ANKRD55: variants seen among roughly 807,000 people sequenced by gnomAD.
ANKRD55 encodes ankyrin repeat domain 55.
A neutral mutation model predicts 60.6 loss-of-function variants in ANKRD55; 41 were observed. The observed-to-expected ratio is 0.68, with a 90% confidence interval of 0.53 to 0.88. The LOEUF is 0.88. ANKRD55 is among the 40% of genes least tolerant of loss of function. The pLI is 0.00. For missense variants in ANKRD55, 732 were observed against 767.6 expected, an observed-to-expected ratio of 0.95 and a Z score of 0.55; for synonymous variants, 264 against 290.3, an observed-to-expected ratio of 0.91 and a Z score of 0.92.
intron 2 of ANKRD55, among the ~76,000 whole-genome samples, chr5:56,205,462 G>C (rs1207342571): frequency 6.6e-6 from 1 of 152,186 alleles, no homozygotes; most frequent in Non-Finnish European, 1.5e-5. Context: ...AGATACAGAG[G>C]CAATTACCTC....
chr5:56,183,501 A>G lies in ANKRD55; in HGVS notation c.181+11T>C. 2.5e-6 allele frequency: 4 copies of G among 1,613,790 alleles called. No homozygotes were observed. Among genetic ancestry groups the G allele is most frequent in the African/African-American group, 1.3e-5 (1 of 75,048 alleles). On this transcript the variant is annotated intron_variant, in intron 3 of 11. Coordinates refer to ENST00000341048, the MANE Select transcript of ANKRD55 (RefSeq NM_024669.3). Reference sequence around the variant, plus strand: ...AGAACATTCTGGATTCAAAATGCATACATATCTCACCTTCACTGTCACAGC... The same window carrying G: ...AGAACATTCTGGATTCAAAATGCATGCATATCTCACCTTCACTGTCACAGC...
intron 6 of ANKRD55, among the ~76,000 whole-genome samples, chr5:56,149,055 T>A (rs1561270406): frequency 6.6e-6 from 1 of 152,218 alleles, no homozygotes; most frequent in African/African-American, 2.4e-5. Flanking sequence ...GGAATTAATA[T>A]GTACTTTAAA....
chr5:56,146,879 T>C (rs1580980450), intron 6 of ANKRD55: 2 of 152,174 alleles, frequency 1.3e-5, no homozygotes, highest in Admixed American at 6.5e-5. Flanking sequence ...TAGATGGCAA[T>C]GAGTATATGC....
intron 8 of ANKRD55, among the ~76,000 whole-genome samples, chr5:56,125,441 T>G (rs1242317023): frequency 2.0e-5 from 3 of 151,966 alleles, no homozygotes; most frequent in Non-Finnish European, 4.4e-5. Context: ...CCACCACACC[T>G]GGCTAATTTT....
At chr5:56,176,880 C>G (rs1274599255) in intron 3 of ANKRD55, among the ~76,000 whole-genome samples, 5 of 152,150 alleles carry the variant, frequency 3.3e-5, no homozygotes, top group African/African-American at 1.2e-4. Flanking sequence ...GCTGTTGGAA[C>G]AAGCCAGCCT....
chr5:56,142,017 T>A (rs1253065686), intron 7 of ANKRD55, among the ~76,000 whole-genome samples: 2 of 152,164 alleles, frequency 1.3e-5, no homozygotes, highest in Admixed American at 1.3e-4. Context: ...TTTGCCAAAG[T>A]GCCTCTTAAA....
At position 56,166,202 on chromosome 5, in the gene ANKRD55, T is replaced by C. The variant is rs148638174; in HGVS notation, c.422+4492A>G. ...CCTTCCTTCCTTCCTTCCTTCCTTC[T>C]CTCTCTCTCTCTCTCTTTCTTTCTT... is the stretch of plus-strand genomic sequence containing the variant. On this transcript the variant is annotated intron_variant, in intron 5 of 11. Coordinates refer to ENST00000341048, the MANE Select transcript of ANKRD55 (RefSeq NM_024669.3). 3.4e-3 allele frequency among the ~76,000 whole-genome samples: 241 copies of C among 69,892 alleles called. 8 individuals carry two copies. The East Asian group carries it at 0.06, about 17-fold the overall frequency. 45.9% of individuals were successfully genotyped at this position (69,892 alleles called of 152,430 possible). A position where few individuals can be genotyped will look rare whatever the true frequency, so the allele number is the denominator to read the frequency against.
intron 2 of ANKRD55, among the ~76,000 whole-genome samples, chr5:56,207,997 T>A (rs931205855): frequency 1.3e-5 from 2 of 152,246 alleles, no homozygotes; most frequent in Admixed American, 1.3e-4. Context: ...TGAACAAAAA[T>A]ATTTTCTTTC....
chr5:56,150,100 A>G (rs1758003566), intron 6 of ANKRD55, among the ~76,000 whole-genome samples: 1 of 152,260 alleles, frequency 6.6e-6, no homozygotes, highest in Non-Finnish European at 1.5e-5. Context: ...TTGGCCTCCC[A>G]AAGTGCTAGG....
intron 7 of ANKRD55, among the ~76,000 whole-genome samples, chr5:56,130,399 A>T (rs1757377581): frequency 6.6e-6 from 1 of 152,194 alleles, no homozygotes; most frequent in Admixed American, 6.5e-5. Context: ...GTCCCACCTA[A>T]GAAGGGGAAA....
At chr5:56,144,198 G>A (rs978873967) in intron 6 of ANKRD55, among the ~76,000 whole-genome samples, 4 of 152,206 alleles carry the variant, frequency 2.6e-5, no homozygotes, top group African/African-American at 9.6e-5. Context: ...GTAAAGGAAG[G>A]CAGATATTAA....
At chr5:56,118,960 T>C (rs115675883) in intron 8 of ANKRD55, among the ~76,000 whole-genome samples, 2,007 of 152,324 alleles carry the variant, frequency 0.013, 48 homozygotes, top group African/African-American at 0.045. Context: ...GGAACTTTCA[T>C]ACATTCCTGG....
chr5:56,155,849 CA>C (rs11338877), intron 6 of ANKRD55, among the ~76,000 whole-genome samples: 92,194 of 125,272 alleles, frequency 0.74, 31,996 homozygotes, highest in South Asian at 0.76. Context: ...GACCCTGCCT[CA>C]AAAAAAAAAA....
intron 9 of ANKRD55, among the ~76,000 whole-genome samples, chr5:56,115,460 A>G (rs1346695972): frequency 6.6e-6 from 1 of 151,732 alleles, no homozygotes; most frequent in Non-Finnish European, 1.5e-5. Flanking sequence ...CTGGGGTTAC[A>G]GGCACGCACC....
At chr5:56,171,111 CAT>C (rs1020996771) in intron 4 of ANKRD55, among the ~76,000 whole-genome samples, 1 of 152,152 alleles carries the variant, frequency 6.6e-6, no homozygotes, top group African/African-American at 2.4e-5. Flanking sequence ...AGCTCAGACA[CAT>C]GATAAATGGG....
intron 2 of ANKRD55, among the ~76,000 whole-genome samples, chr5:56,214,645 C>T (rs1759759677): frequency 6.6e-6 from 1 of 152,206 alleles, no homozygotes; most frequent in African/African-American, 2.4e-5. Context: ...TCCACTGTAC[C>T]ACTGCTAATC....
intron 9 of ANKRD55, among the ~76,000 whole-genome samples, chr5:56,112,216 G>A (rs1200941415): frequency 6.6e-6 from 1 of 152,204 alleles, no homozygotes; most frequent in East Asian, 1.9e-4. Context: ...CAGAAGGATG[G>A]AGGAGGTTGC....
At chr5:56,169,209 C>T (rs1448619908) in intron 5 of ANKRD55, among the ~76,000 whole-genome samples, 1 of 152,156 alleles carries the variant, frequency 6.6e-6, no homozygotes, top group Non-Finnish European at 1.5e-5. Context: ...TTATGTGTTA[C>T]AACAGCCATA....
chr5:56,121,458 C>T (rs536531756), intron 8 of ANKRD55, among the ~76,000 whole-genome samples: 7 of 151,014 alleles, frequency 4.6e-5, no homozygotes, highest in African/African-American at 4.9e-5. Flanking sequence ...CTGCAACCTC[C>T]GCCCCTGGGG....
Sources: gnomAD v4.1 joint callset for allele counts (sites outside exome capture counted in the v4.1 genomes callset) on GRCh38, gnomAD v4.1.1 for gene constraint, MANE v1.5 for transcripts, NCBI Gene and HGNC (gene_info 2026-07-23, HGNC 2026-07-21) for gene names.